SEC23A: variants seen among roughly 807,000 people sequenced by gnomAD.
The protein encoded by SEC23A is protein transport protein Sec23A.
In SEC23A, 56 loss-of-function variants were observed where a neutral mutation model predicts 103.7. The ratio of observed to expected loss-of-function variants is 0.54; its 90% CI spans 0.44 to 0.67. The LOEUF (loss-of-function observed/expected upper bound fraction) is 0.67, where lower values mean the gene tolerates loss of function less well. SEC23A is among the 30% of genes least tolerant of loss of function. The probability of loss-of-function intolerance (pLI) is 0.00; values close to 1 mark genes in which losing one functional copy is unlikely to be tolerated. For missense variants in SEC23A, 784 were observed against 936.4 expected, an observed-to-expected ratio of 0.84 and a Z score of 2.12; for synonymous variants, 281 against 293.0, an observed-to-expected ratio of 0.96 and a Z score of 0.42.
chr14:39,089,658 T>TA (rs1261521509), intron 5 of SEC23A, among the ~76,000 whole-genome samples: 4 of 152,102 alleles, frequency 2.6e-5, no homozygotes, highest in Non-Finnish European at 5.9e-5. Context: ...ACAAACCTCT[T>TA]AAAAGAACAA....
At chr14:39,075,500 TG>T (rs1356634048) in intron 8 of SEC23A, among the ~76,000 whole-genome samples, 1 of 151,910 alleles carries the variant, frequency 6.6e-6, no homozygotes, top group Admixed American at 6.6e-5. Flanking sequence ...ACCCAAAAAA[TG>T]GGAAGTTAGA....
At chr14:39,095,761 T>C (rs1210698402) in intron 2 of SEC23A, 137 bp downstream of exon 2, 1 of 689,676 alleles carries the variant, frequency 1.4e-6, no homozygotes, top group Admixed American at 2.5e-5. Context: ...TTTACAGCTC[T>C]CTGGATTGTT....
At chr14:39,094,015 A>G (rs1172801970) in intron 2 of SEC23A, among the ~76,000 whole-genome samples, 1 of 151,600 alleles carries the variant, frequency 6.6e-6, no homozygotes, top group African/African-American at 2.4e-5. Context: ...TGCACAAACA[A>G]GAAAATACTT....
Position 39,042,703 on chromosome 14 carries a change from C to G in SEC23A, c.1986+83G>C, listed in dbSNP as rs1160579961. 3 of 826,318 alleles carry G rather than the reference C, an allele frequency of 3.6e-6. No individual in the cohort carries two copies. The African/African-American group carries it at 5.1e-5, about 14-fold the overall frequency. The allele number at this position is 826,318 out of a possible 1,614,324, so 51.2% of individuals were successfully genotyped here. A position where few individuals can be genotyped will look rare whatever the true frequency, so the allele number is the denominator to read the frequency against. ...ATCAAAGTTTATCATAGATGAAACACTAGCCATACAATTAGAAGTAAGAAA... is the reference window on the plus strand; with the variant it reads ...ATCAAAGTTTATCATAGATGAAACAGTAGCCATACAATTAGAAGTAAGAAA... On this transcript the variant is annotated intron_variant, in intron 17 of 19. Transcript: ENST00000307712.
At chr14:39,078,439 T>C (rs1887114310) in intron 7 of SEC23A, among the ~76,000 whole-genome samples, 1 of 152,024 alleles carries the variant, frequency 6.6e-6, no homozygotes, top group African/African-American at 2.4e-5. Context: ...AGCTCCATAT[T>C]TGGAGTCAAA....
At chr14:39,071,931 T>C (rs1168002707) in intron 9 of SEC23A, among the ~76,000 whole-genome samples, 1 of 151,854 alleles carries the variant, frequency 6.6e-6, no homozygotes, top group Admixed American at 6.6e-5. Flanking sequence ...CTGCAAACAA[T>C]ACCATCAAGA....
rs759003941 is a variant in SEC23A at position 39,061,771 on chromosome 14, G to C, written c.1499C>G (p.Ala500Gly). 1 of 1,605,888 alleles carries C rather than the reference G, an allele frequency of 6.2e-7. No homozygotes were observed. Among genetic ancestry groups the C allele is most frequent in the South Asian group, 1.1e-5 (1 of 90,896 alleles). ...TCTAACAAATACAACTTACTTCCTA[G>C]CAATGGTGGTCACTCGGATGCGTCT... ...GQRRIRVTTI[A>G]RNWADAQTQI... The change falls in exon 13 of 20, where the codon GCT becomes GGT. Residue 500 changes from alanine (A) to glycine (G), a missense_variant. Ala to Gly is a moderately conservative substitution (Grantham distance 60, BLOSUM62 0). Transcript: ENST00000307712.
intron 4 of SEC23A, 91 bp downstream of exon 4, chr14:39,092,450 T>A: frequency 1.2e-6 from 1 of 812,552 alleles, no homozygotes; most frequent in East Asian, 2.7e-5. Flanking sequence ...ATGTGAGAAT[T>A]AAGCATGATT....
At chr14:39,037,986 C>T (rs922412326) in intron 19 of SEC23A, among the ~76,000 whole-genome samples, 1 of 152,146 alleles carries the variant, frequency 6.6e-6, no homozygotes, top group Non-Finnish European at 1.5e-5. Context: ...TATACTAAGA[C>T]TCAAATCTGC....
At chr14:39,062,586 T>C (rs1210553712) in intron 12 of SEC23A, among the ~76,000 whole-genome samples, 1 of 152,158 alleles carries the variant, frequency 6.6e-6, no homozygotes, top group Admixed American at 6.5e-5. Context: ...ATAATAATTA[T>C]CATCAGAAAG....
At chr14:39,087,578 C>G (rs974217588) in intron 5 of SEC23A, 1 of 152,874 alleles carries the variant, frequency 6.5e-6, no homozygotes, top group African/African-American at 2.4e-5. Context: ...AAACTACGAA[C>G]TGCCACCTTT....
At chr14:39,078,491 T>C (rs544865035) in intron 7 of SEC23A, among the ~76,000 whole-genome samples, 18 of 152,280 alleles carry the variant, frequency 1.2e-4, no homozygotes, top group African/African-American at 4.3e-4. Flanking sequence ...AAACAGTGTG[T>C]ATCTATACCT....
intron 13 of SEC23A, 52 bp from the exon 14 acceptor site, chr14:39,055,348 T>C: frequency 6.4e-7 from 1 of 1,556,256 alleles, no homozygotes; most frequent in Non-Finnish European, 8.9e-7. Flanking sequence ...ATACCCACAA[T>C]ATCATAGTTG....
intron 5 of SEC23A, chr14:39,091,251 TTAAA>T: frequency 1.9e-6 from 1 of 526,554 alleles, no homozygotes. Context: ...TGGTTTGACT[TTAAA>T]TTTTAAAGAT....
At chr14:39,045,040 T>A in intron 16 of SEC23A, 123 bp downstream of exon 16, 1 of 804,210 alleles carries the variant, frequency 1.2e-6, no homozygotes, top group Middle Eastern at 2.2e-4. Flanking sequence ...TAGGTTGAGA[T>A]GTCCATTCTT....
At chr14:39,048,282 A>G (rs765929723) in intron 15 of SEC23A, among the ~76,000 whole-genome samples, 1 of 152,204 alleles carries the variant, frequency 6.6e-6, no homozygotes, top group Non-Finnish European at 1.5e-5. Context: ...CCATAAAAAG[A>G]GCAATAAAAA....
intron 7 of SEC23A, among the ~76,000 whole-genome samples, chr14:39,077,967 AG>A (rs1287525450): frequency 1.3e-5 from 2 of 152,124 alleles, no homozygotes; most frequent in Non-Finnish European, 2.9e-5. Flanking sequence ...ATAAATAAAT[AG>A]GCCAGACACT....
chr14:39,050,967 G>A (rs910724528), intron 14 of SEC23A, among the ~76,000 whole-genome samples: 2 of 152,176 alleles, frequency 1.3e-5, no homozygotes, highest in African/African-American at 4.8e-5. Flanking sequence ...AGTTTCAGTA[G>A]CTATTCTAGG....
In SEC23A at chr14:39,040,964, T is replaced by C. The variant is rs1431788793; in HGVS notation, c.1987-77A>G. 3.3e-6 allele frequency: 5 copies of C among 1,503,192 alleles called. No individual in the cohort carries two copies. The African/African-American group carries it at 7.0e-5, about 21-fold the overall frequency. 93.1% of individuals were successfully genotyped at this position (1,503,192 alleles called of 1,614,324 possible). On this transcript the variant is annotated intron_variant, in intron 17 of 19. Transcript: ENST00000307712. ...AATCTTGAGATTTTTCCAAAGAAAATAATCTTTAGAAACTAAAAAAATTAT... is the reference window on the plus strand; with the variant it reads ...AATCTTGAGATTTTTCCAAAGAAAACAATCTTTAGAAACTAAAAAAATTAT...
Sources: allele counts gnomAD v4.1 joint callset (sites outside exome capture counted in the v4.1 genomes callset), GRCh38; gene constraint gnomAD v4.1.1; transcripts MANE v1.5; gene names NCBI Gene and HGNC (gene_info 2026-07-23, HGNC 2026-07-21).